The following RBL1 variants were observed in gnomAD, a reference collection of about 807,000 sequenced individuals.
The protein encoded by RBL1 is RB transcriptional corepressor like 1, also known as retinoblastoma-like protein 1.
A neutral mutation model predicts 123.0 loss-of-function variants in RBL1; 82 were observed. That is an observed-to-expected ratio of 0.67 (90% CI 0.56 to 0.80). The LOEUF (loss-of-function observed/expected upper bound fraction) is 0.80. Among genes scored for constraint, RBL1 ranks in the 30% least tolerant of loss-of-function variants. RBL1 has a pLI of 0.00. For missense variants in RBL1, 1,171 were observed against 1,299.6 expected (o/e 0.90, Z 1.52); for synonymous variants, 405 against 441.3 (o/e 0.92, Z 1.03).
intron 19 of RBL1, among the ~76,000 whole-genome samples, chr20:37,014,536 C>A (rs551932884): frequency 1.3e-5 from 2 of 152,144 alleles, no homozygotes; most frequent in Non-Finnish European, 1.5e-5. Flanking sequence ...CGGTGACTCA[C>A]GCCTGTAATC....
chr20:37,060,168 G>C (rs1397045483), intron 9 of RBL1, among the ~76,000 whole-genome samples: 1 of 138,970 alleles, frequency 7.2e-6, no homozygotes, highest in Non-Finnish European at 1.6e-5. Flanking sequence ...GTGAAACTCT[G>C]TCTCAAAATA....
At chr20:37,012,477 GC>G (rs2064170730) in intron 19 of RBL1, among the ~76,000 whole-genome samples, 1 of 150,806 alleles carries the variant, frequency 6.6e-6, no homozygotes, top group Non-Finnish European at 1.5e-5. Flanking sequence ...CTGCCCGGCC[GC>G]CCATCGTCTG....
At chr20:37,045,105 T>C (rs2064798575) in intron 12 of RBL1, among the ~76,000 whole-genome samples, 1 of 150,880 alleles carries the variant, frequency 6.6e-6, no homozygotes, top group Non-Finnish European at 1.5e-5. Flanking sequence ...TATTTATTTA[T>C]TTATTTATTT....
chr20:37,028,228 G>A (rs192943402), intron 16 of RBL1, among the ~76,000 whole-genome samples: 78 of 152,222 alleles, frequency 5.1e-4, no homozygotes, highest in Middle Eastern at 3.4e-3. Context: ...AGCCAGGTGT[G>A]GTGGTGGACA....
chr20:37,014,253 A>T (rs1037564049), intron 19 of RBL1, among the ~76,000 whole-genome samples: 12 of 152,042 alleles, frequency 7.9e-5, no homozygotes, highest in East Asian at 3.9e-4. Flanking sequence ...ATTTTAAAAA[A>T]TTTTTTGTAG....
chr20:37,088,784 A>AG (rs1159502976), intron 2 of RBL1, among the ~76,000 whole-genome samples: 1 of 151,926 alleles, frequency 6.6e-6, no homozygotes, highest in Non-Finnish European at 1.5e-5. Context: ...AATCACTTGA[A>AG]CCCAGGAGGC....
chr20:36,998,657 A>C lies in RBL1; in HGVS notation c.*102T>G. On this transcript the variant is annotated 3_prime_UTR_variant, in exon 22 of 22. Coordinates refer to ENST00000373664, the MANE Select transcript of RBL1 (RefSeq NM_002895.5). The stretch of plus-strand genomic sequence containing the variant: ...TTTGTGCAATTTTTTCTTATAACCC[A>C]GTGATATTTATCATCTATAGGGCTA... The C allele has an allele frequency of 9.7e-7, 1 of 1,034,136 alleles. No homozygotes were observed. The highest frequency in any genetic ancestry group is 2.7e-5 in the East Asian group (1 of 36,850). The allele number at this position is 1,034,136 out of a possible 1,614,324, so 64.1% of individuals were successfully genotyped here.
intron 1 of RBL1, among the ~76,000 whole-genome samples, chr20:37,094,107 T>C (rs1192735211): frequency 6.6e-6 from 1 of 152,152 alleles, no homozygotes; most frequent in Non-Finnish European, 1.5e-5. Flanking sequence ...GGCATGGATA[T>C]ACCACAAAAC....
At chr20:37,081,392 G>A (rs1265158784) in intron 2 of RBL1, among the ~76,000 whole-genome samples, 2 of 152,148 alleles carry the variant, frequency 1.3e-5, no homozygotes, top group Admixed American at 1.3e-4. Flanking sequence ...CAGTGCTTTA[G>A]TGCTTTGGGA....
intron 7 of RBL1, among the ~76,000 whole-genome samples, chr20:37,062,683 C>T (rs1401616192): frequency 2.0e-5 from 3 of 146,526 alleles, no homozygotes; most frequent in South Asian, 2.1e-4. Flanking sequence ...GGGCCAGGCG[C>T]GGTGGCTCAC....
intron 2 of RBL1, among the ~76,000 whole-genome samples, chr20:37,084,938 TG>T (rs2065516312): frequency 6.6e-6 from 1 of 151,784 alleles, no homozygotes; most frequent in Admixed American, 6.6e-5. Flanking sequence ...ACTAATTTTT[TG>T]TATTTTTATA....
chr20:37,056,302 A>G, intron 9 of RBL1, 44 bp from the exon 10 acceptor site: 3 of 1,527,784 alleles, frequency 2.0e-6, no homozygotes, highest in Non-Finnish European at 2.6e-6. Context: ...AAACAAAAAC[A>G]AACAAACAAA....
At chr20:37,047,032 A>G (rs759670282) in intron 12 of RBL1, 21 bp downstream of exon 12, 1 of 1,570,852 alleles carries the variant, frequency 6.4e-7, no homozygotes, top group South Asian at 1.2e-5. Context: ...ATCTCATAAC[A>G]GAACTTTGTT....
chr20:37,070,968 T>C (rs1487739564), intron 2 of RBL1, among the ~76,000 whole-genome samples: 3 of 152,094 alleles, frequency 2.0e-5, no homozygotes, highest in Non-Finnish European at 1.5e-5. Flanking sequence ...TGATCTTGGC[T>C]CACTGCAACC....
At chr20:37,073,609 G>A (rs1419151749) in intron 2 of RBL1, among the ~76,000 whole-genome samples, 1 of 146,118 alleles carries the variant, frequency 6.8e-6, no homozygotes, top group African/African-American at 2.5e-5. Context: ...GAGGTGGGAA[G>A]ATTGCTTGAG....
intron 13 of RBL1, 31 bp downstream of exon 13, chr20:37,044,055 T>C (rs1278482087): frequency 2.2e-6 from 3 of 1,365,630 alleles, no homozygotes; most frequent in Non-Finnish European, 3.0e-6. Flanking sequence ...TTTTTTTTAA[T>C]GATACGATTA....
intron 2 of RBL1, among the ~76,000 whole-genome samples, chr20:37,080,265 T>G (rs1255554637): frequency 1.3e-5 from 2 of 152,136 alleles, no homozygotes; most frequent in Admixed American, 1.3e-4. Flanking sequence ...CAAGCAATTT[T>G]CCTGCCTTGG....
In RBL1 at chr20:36,997,793, G is replaced by T. The variant is rs555784770; in HGVS notation, c.*966C>A. On this transcript the variant is annotated 3_prime_UTR_variant, in exon 22 of 22. Transcript: ENST00000373664. ...ACCAAAATGATAATAGTTTACAAAA[G>T]AAGAAAGTGCCCCATTTATTGGGTT... 5 of 152,264 alleles carry T rather than the reference G, an allele frequency of 3.3e-5. No individual in the cohort carries two copies. Among genetic ancestry groups the T allele is most frequent in the African/African-American group, 1.2e-4 (5 of 41,582 alleles). The allele number at this position is 152,264 out of a possible 1,614,324, so 9.4% of individuals were successfully genotyped here. A position where few individuals can be genotyped will look rare whatever the true frequency, so the allele number is the denominator to read the frequency against.
intron 18 of RBL1, among the ~76,000 whole-genome samples, chr20:37,018,758 C>T (rs1470861498): frequency 6.6e-6 from 1 of 152,114 alleles, no homozygotes; most frequent in Admixed American, 6.5e-5. Flanking sequence ...TCAAGACCAG[C>T]TGGCCAACAT....
Sources: allele counts gnomAD v4.1 joint callset (sites outside exome capture counted in the v4.1 genomes callset), GRCh38; gene constraint gnomAD v4.1.1; transcripts MANE v1.5; gene names NCBI Gene and HGNC (gene_info 2026-07-23, HGNC 2026-07-21).